The following GCNT2 variants were observed in gnomAD, a reference collection of about 807,000 sequenced individuals.
GCNT2 encodes the protein N-acetyllactosaminide beta-1,6-N-acetylglucosaminyl-transferase.
Under a neutral mutation model 34.2 loss-of-function variants are expected in GCNT2, and 34 were observed. That is an observed-to-expected ratio of 1.00 (90% CI 0.76 to 1.32). The LOEUF (loss-of-function observed/expected upper bound fraction) is 1.32, where lower values mean the gene tolerates loss of function less well. GCNT2 is among the 40% of genes most tolerant of loss of function. The probability of loss-of-function intolerance (pLI) is 0.00; values close to 1 mark genes in which losing one functional copy is unlikely to be tolerated. For missense variants in GCNT2, 584 were observed against 489.4 expected, an observed-to-expected ratio of 1.19 and a Z score of -1.82; for synonymous variants, 212 against 188.0, an observed-to-expected ratio of 1.13 and a Z score of -1.04.
chr6:10,625,124 C>T (rs1026624196), intron 4 of GCNT2, among the ~76,000 whole-genome samples: 1 of 152,134 alleles, frequency 6.6e-6, no homozygotes. Flanking sequence ...CTGAATTAAT[C>T]ACCATGTTCT....
rs565714500 is a variant in GCNT2, at chr6:10,621,872, A to AT, written c.1018+440dup. Among the ~76,000 whole-genome samples, 39 of 148,364 alleles carry AT rather than the reference A, an allele frequency of 2.6e-4. No homozygotes were observed. The South Asian group carries it at 3.2e-3, about 12-fold the overall frequency. ...AGGCGTGCACCACCACACCTGGCTA[A>AT]TTTTTTTTTTTCTTGTAGAGTCAGC... is the stretch of plus-strand genomic sequence containing the variant. On this transcript the variant is annotated intron_variant, in intron 4 of 4. Transcript: ENST00000495262.
chr6:10,526,714 C>G (rs991781206), intron 1 of GCNT2, among the ~76,000 whole-genome samples: 3 of 152,000 alleles, frequency 2.0e-5, no homozygotes, highest in African/African-American at 7.3e-5. Context: ...CCCCTGTGTT[C>G]TTGATAAAAT....
intron 3 of GCNT2, among the ~76,000 whole-genome samples, chr6:10,572,792 G>A (rs1429448189): frequency 6.6e-6 from 1 of 152,126 alleles, no homozygotes; most frequent in East Asian, 1.9e-4. Flanking sequence ...TATAAAATGT[G>A]AACTTAAAAC....
In GCNT2 at chr6:10,524,987, G is replaced by A. The variant is rs754651217; in HGVS notation, c.-468-2487G>A. Among the ~76,000 whole-genome samples the A allele has an allele frequency of 4.2e-4, 64 of 151,900 alleles. 1 individual carries two copies. Among genetic ancestry groups the A allele is most frequent in the South Asian group, 2.9e-3 (14 of 4,812 alleles). ...AAAGTTTCCATCGGCCCACCCCCCC[G>A]GTTTCTAATTTGGGCACACAGGTGA... On this transcript the variant is annotated intron_variant, in intron 1 of 4. Transcript: ENST00000495262.
intron 3 of GCNT2, among the ~76,000 whole-genome samples, chr6:10,588,212 AG>A (rs1342325225): frequency 6.6e-6 from 1 of 152,224 alleles, no homozygotes. Flanking sequence ...CTAAACTGTC[AG>A]GTCACAAAGA....
At chr6:10,612,140 C>G (rs1166911490) in intron 3 of GCNT2, among the ~76,000 whole-genome samples, 1 of 152,114 alleles carries the variant, frequency 6.6e-6, no homozygotes, top group Non-Finnish European at 1.5e-5. Flanking sequence ...GTGTGTGCCA[C>G]CACGCCCGGC....
intron 3 of GCNT2, among the ~76,000 whole-genome samples, chr6:10,537,650 G>A (rs1358442477): frequency 5.8e-5 from 8 of 137,950 alleles, no homozygotes; most frequent in Admixed American, 8.0e-5. Flanking sequence ...GCAGTGAGCC[G>A]AGATTGTGCC....
Position 10,627,319 on chromosome 6 carries a change from C to A in GCNT2, c.*712C>A, listed in dbSNP as rs1766302520. ...TAGGCTGGTCCCTATGTCATGTCTT[C>A]CATTAAGAACACTAAAAAGTCCTTG... On this transcript the variant is annotated 3_prime_UTR_variant, in exon 5 of 5. Coordinates refer to ENST00000495262, the MANE Select transcript of GCNT2 (RefSeq NM_145649.5). 6.6e-6 allele frequency: 1 copy of A among 152,274 alleles called. No individual in the cohort carries two copies. Among genetic ancestry groups the A allele is most frequent in the South Asian group, 2.1e-4 (1 of 4,816 alleles). The allele number at this position is 152,274 out of a possible 1,614,324, so 9.4% of individuals were successfully genotyped here.
intron 3 of GCNT2, among the ~76,000 whole-genome samples, chr6:10,569,951 C>CCTTCCTTCCTT (rs1763479921): frequency 8.8e-5 from 2 of 22,814 alleles, no homozygotes; most frequent in Non-Finnish European, 1.3e-4. Context: ...CTTCCTTCTT[C>CCTTCCTTCCTT]CTTCCTTCCT....
At position 10,626,631 on chromosome 6, in the gene GCNT2, T is replaced by C; in HGVS notation, c.*24T>C. The C allele has an allele frequency of 6.3e-7, 1 of 1,575,936 alleles. No homozygotes were observed. The highest frequency in any genetic ancestry group is 1.1e-5 in the South Asian group (1 of 90,290). On this transcript the variant is annotated 3_prime_UTR_variant, in exon 5 of 5. Coordinates refer to ENST00000495262, the MANE Select transcript of GCNT2 (RefSeq NM_145649.5). ...GAGCTATTCATGAGCTACTCATGAC[T>C]GAAGGGAAACTGCAGCTGGGAAGAG...
At chr6:10,575,357 C>CTT in intron 3 of GCNT2, 1 of 156,754 alleles carries the variant, frequency 6.4e-6, no homozygotes, top group East Asian at 1.9e-4. Flanking sequence ...GCTGGGTTGA[C>CTT]ATTTTTTTTT....
At chr6:10,586,394 G>C (rs1192323024) in intron 3 of GCNT2, 7 of 1,614,184 alleles carry the variant, frequency 4.3e-6, no homozygotes, top group Non-Finnish European at 5.9e-6. Flanking sequence ...CCCCAGCTGA[G>C]TATAAGGAAT....
intron 3 of GCNT2, among the ~76,000 whole-genome samples, chr6:10,535,732 C>CA (rs1458803554): frequency 6.6e-6 from 1 of 152,090 alleles, no homozygotes; most frequent in African/African-American, 2.4e-5. Flanking sequence ...GGAATGAATG[C>CA]AAAAACAGCC....
chr6:10,556,043 C>T, intron 3 of GCNT2: 4 of 1,082,992 alleles, frequency 3.7e-6, no homozygotes, highest in African/African-American at 1.7e-5. Flanking sequence ...AACCAGGGGG[C>T]GGGGGTGGCA....
In GCNT2 at chr6:10,524,560, T is replaced by C. The variant is rs151186660; in HGVS notation, c.-468-2914T>C. Among the ~76,000 whole-genome samples the C allele has an allele frequency of 5.1e-3, 780 of 152,030 alleles. 41 individuals are homozygous for C. The highest frequency in any genetic ancestry group is 0.046 in the Admixed American group (700 of 15,270). The stretch of plus-strand genomic sequence containing the variant: ...ATAACCTATGCTTAAAAAGAAATAG[T>C]GATGAGGATAAAGCAGGGTACCGAA... On this transcript the variant is annotated intron_variant, in intron 1 of 4. Transcript: ENST00000495262.
At chr6:10,543,495 A>G (rs1300562878) in intron 3 of GCNT2, among the ~76,000 whole-genome samples, 5 of 152,074 alleles carry the variant, frequency 3.3e-5, no homozygotes, top group African/African-American at 2.4e-5. Flanking sequence ...CTAGCCCCCA[A>G]TGTTAATTCT....
At chr6:10,625,536 C>A (rs1365794780) in intron 4 of GCNT2, among the ~76,000 whole-genome samples, 1 of 151,862 alleles carries the variant, frequency 6.6e-6, no homozygotes, top group Non-Finnish European at 1.5e-5. Flanking sequence ...AAAAAAATTT[C>A]AATATTGACG....
At chr6:10,626,319 T>G in intron 4 of GCNT2, 98 bp from the exon 5 acceptor site, 1 of 859,026 alleles carries the variant, frequency 1.2e-6, no homozygotes, top group African/African-American at 1.6e-5. Flanking sequence ...ATTGGCACAG[T>G]TGTAGTTAGT....
intron 3 of GCNT2, among the ~76,000 whole-genome samples, chr6:10,571,462 C>T (rs960527020): frequency 1.3e-5 from 2 of 152,032 alleles, no homozygotes; most frequent in Non-Finnish European, 2.9e-5. Context: ...AGCAATTCTC[C>T]CTGCCTCAGC....
Sources: gnomAD v4.1 joint callset for allele counts (sites outside exome capture counted in the v4.1 genomes callset) on GRCh38, gnomAD v4.1.1 for gene constraint, MANE v1.5 for transcripts, NCBI Gene and HGNC (gene_info 2026-07-23, HGNC 2026-07-21) for gene names.